Variants in MYO18A observed in about 807,000 individuals in gnomAD.
The protein encoded by MYO18A is unconventional myosin-XVIIIa.
MYO18A carries 78 observed loss-of-function variants against 235.8 expected under a neutral mutation model. The observed-to-expected ratio is 0.33, with a 90% confidence interval of 0.28 to 0.40. MYO18A has a LOEUF of 0.40. Ranked by LOEUF, MYO18A falls within the 10% of genes least tolerant of loss-of-function variation. MYO18A has a pLI of 1.00. For missense variants in MYO18A, 2,215 were observed against 2,699.3 expected (o/e 0.82, Z 3.98); for synonymous variants, 977 against 1,077.8 (o/e 0.91, Z 1.83).
chr17:29,127,837 GAC>G (rs2067361778), intron 2 of MYO18A: 1 of 985,986 alleles, frequency 1.0e-6, no homozygotes, highest in South Asian at 4.7e-5. Flanking sequence ...AGCGGTTAGT[GAC>G]ACACTCTTGT....
Position 29,085,651 on chromosome 17 carries a change from G to A in MYO18A, c.5853-3C>T, listed in dbSNP as rs748293540. On this transcript the variant is annotated splice_polypyrimidine_tract_variant and splice_region_variant and intron_variant, in intron 39 of 41. Coordinates refer to ENST00000527372, the MANE Select transcript of MYO18A (RefSeq NM_078471.4). ...ACTTTGTCACCATGTCCTGCAAACT[G>A]GAAATAGAAGGAAAATGGTGGGCAA... is the stretch of plus-strand genomic sequence containing the variant. The A allele has an allele frequency of 1.4e-5, 23 of 1,613,856 alleles. No homozygotes were observed. The highest frequency in any genetic ancestry group is 2.2e-5 in the East Asian group (1 of 44,900).
At position 29,166,583 on chromosome 17, in the gene MYO18A, G is replaced by A. The variant is rs1276136089; in HGVS notation, c.358C>T (p.Arg120Trp). 3 of 1,613,804 alleles carry A rather than the reference G, an allele frequency of 1.9e-6. No individual in the cohort carries two copies. Among genetic ancestry groups the A allele is most frequent in the Non-Finnish European group, 1.7e-6 (2 of 1,179,878 alleles). ...GCCAGTGAGCCGAACTTGGCTGCCC[G>A]CTGCAGCACCGAGCCACGGAAGCTA... ...EGSFRGSVLQ[R>W]AAKFGSLAKQ... Residue 120 changes from arginine to tryptophan, a missense_variant, in exon 2 of 42, where the codon CGG becomes TGG. By Grantham distance (101) the Arg-to-Trp change is moderately radical. Transcript: ENST00000527372.
Position 29,097,328 on chromosome 17 carries a change from A to G in MYO18A, c.4125T>C (p.Tyr1375=). 1 of 1,609,144 alleles carries G rather than the reference A, an allele frequency of 6.2e-7. No individual in the cohort carries two copies. The highest frequency in any genetic ancestry group is 8.5e-7 in the Non-Finnish European group (1 of 1,179,814). ...DDAGGEWRLK[Y]ERAVREVDFT... Reference sequence around the variant, plus strand: ...AGTCCACCTCCCGCACAGCCCGCTCATACTTCAGCCGCCACTCGCCACCTG... The same window carrying G: ...AGTCCACCTCCCGCACAGCCCGCTCGTACTTCAGCCGCCACTCGCCACCTG... Residue 1375 remains tyrosine (Y), a synonymous_variant, in exon 27 of 42, where the codon TAT becomes TAC. Coordinates refer to ENST00000527372, the MANE Select transcript of MYO18A (RefSeq NM_078471.4).
In MYO18A at chr17:29,111,964, T is replaced by C. The variant is rs2066939657; in HGVS notation, c.2599-101A>G. Reference sequence around the variant, plus strand: ...CACACCCTACAGAATGCTACACATGTGCACACATGCACACACGCACATGCC... The same window carrying C: ...CACACCCTACAGAATGCTACACATGCGCACACATGCACACACGCACATGCC... On this transcript the variant is annotated intron_variant, in intron 15 of 41. Transcript: ENST00000527372. The surrounding 1 kb of genome is among the most constrained non-coding windows in gnomAD (Gnocchi z 5.1). 1 of 1,359,694 alleles carries C rather than the reference T, an allele frequency of 7.4e-7. No homozygotes were observed. The highest frequency in any genetic ancestry group is 1.0e-6 in the Non-Finnish European group (1 of 1,000,582). The allele number at this position is 1,359,694 out of a possible 1,614,324, so 84.2% of individuals were successfully genotyped here.
In MYO18A at chr17:29,111,324, T is replaced by C; in HGVS notation, c.2900+100A>G. On this transcript the variant is annotated intron_variant, in intron 17 of 41. Coordinates refer to ENST00000527372, the MANE Select transcript of MYO18A (RefSeq NM_078471.4). This position sits in a 1 kb window ranked among gnomAD's most constrained non-coding sequence, Gnocchi z 5.1. The stretch of plus-strand genomic sequence containing the variant: ...TCTCAGGAATAAAGGCCATCTACTT[T>C]GCTAGTGAGGGGGCCTCTGAGACAA... 7.3e-7 allele frequency: 1 copy of C among 1,371,926 alleles called. No individual in the cohort carries two copies. Among genetic ancestry groups the C allele is most frequent in the Non-Finnish European group, 1.0e-6 (1 of 1,000,866 alleles). The allele number at this position is 1,371,926 out of a possible 1,614,324, so 85.0% of individuals were successfully genotyped here.
chr17:29,146,500 G>C (rs910531679), intron 2 of MYO18A, among the ~76,000 whole-genome samples: 9 of 152,124 alleles, frequency 5.9e-5, no homozygotes, highest in African/African-American at 2.2e-4. Flanking sequence ...TCCCCTCTGG[G>C]GACCCACCCC....
At chr17:29,124,608 AC>A in intron 2 of MYO18A, 1 of 1,244,802 alleles carries the variant, frequency 8.0e-7, no homozygotes, top group South Asian at 1.3e-5. Context: ...CTAGGTGGTC[AC>A]TGGAGGGAGC....
rs2065939233 is a variant in MYO18A, at chr17:29,074,954, T to C, written c.6021-40A>G. 6.2e-7 allele frequency: 1 copy of C among 1,609,856 alleles called. No homozygotes were observed. Among genetic ancestry groups the C allele is most frequent in the Non-Finnish European group, 8.5e-7 (1 of 1,176,732 alleles). ...GAATAAGGTTAGGGACAAATGACAC[T>C]CCTACCATTAAGCACGCACGCCTTT... On this transcript the variant is annotated intron_variant, in intron 41 of 41. Transcript: ENST00000527372. The surrounding 1 kb of genome is among the most constrained non-coding windows in gnomAD (Gnocchi z 4.4).
intron 22 of MYO18A, 57 bp from the exon 23 acceptor site, chr17:29,099,026 C>G: frequency 6.2e-7 from 1 of 1,602,574 alleles, no homozygotes; most frequent in East Asian, 2.2e-5. Flanking sequence ...TGGCCAAGCT[C>G]GGCCCAGGAT....
rs533265717 is a variant in MYO18A at position 29,079,856 on chromosome 17, C to T, written c.6020+2460G>A. ...GTTTCTTCACTTTCTGCAGCTGGGC[C>T]CTTCTTCACACTGGAGCAGCTGTGG... On this transcript the variant is annotated intron_variant, in intron 41 of 41. Transcript: ENST00000527372. 31 of 985,964 alleles carry T rather than the reference C, an allele frequency of 3.1e-5. No individual in the cohort carries two copies. The African/African-American group carries it at 4.5e-4, about 14-fold the overall frequency. 61.1% of individuals were successfully genotyped at this position (985,964 alleles called of 1,614,324 possible). A position where few individuals can be genotyped will look rare whatever the true frequency, so the allele number is the denominator to read the frequency against.
intron 26 of MYO18A, 57 bp from the exon 27 acceptor site, chr17:29,097,407 C>G (rs1170300755): frequency 8.4e-5 from 134 of 1,592,106 alleles, no homozygotes; most frequent in Non-Finnish European, 2.0e-5. Context: ...CCAGAAGGGG[C>G]AGAGGGGAAG....
chr17:29,115,151 G>C, intron 13 of MYO18A, 52 bp from the exon 14 acceptor site: 1 of 1,554,144 alleles, frequency 6.4e-7, no homozygotes, highest in Non-Finnish European at 8.7e-7. Flanking sequence ...CCGGGCACCA[G>C]GAAGCCCCAC....
chr17:29,166,706 T>C lies in MYO18A; in HGVS notation c.235A>G (p.Thr79Ala), dbSNP rs1174606083. The C allele has an allele frequency of 1.2e-6, 2 of 1,613,702 alleles. No homozygotes were observed. Among genetic ancestry groups the C allele is most frequent in the Non-Finnish European group, 1.7e-6 (2 of 1,179,876 alleles). ...CGGTTACTATCGGAGTCAATGTCAGTCAGGTGCAGGTCAGAGCCGCTGGCC... is the reference window on the plus strand; with the variant it reads ...CGGTTACTATCGGAGTCAATGTCAGCCAGGTGCAGGTCAGAGCCGCTGGCC... ...KVASGSDLHL[T>A]DIDSDSNRGS... is the part of the protein sequence containing the mutation. Residue 79 changes from threonine to alanine, a missense_variant, in exon 2 of 42, where the codon ACT becomes GCT. Physicochemically the swap from Thr to Ala is moderately conservative, Grantham distance 58. Coordinates refer to ENST00000527372, the MANE Select transcript of MYO18A (RefSeq NM_078471.4).
intron 41 of MYO18A, chr17:29,075,192 C>T: frequency 2.8e-6 from 1 of 358,006 alleles, no homozygotes; most frequent in Non-Finnish European, 5.4e-6. Flanking sequence ...CTGGGCCCTT[C>T]CTCTTAGAAA....
intron 40 of MYO18A, among the ~76,000 whole-genome samples, chr17:29,085,365 A>G (rs549301977): frequency 6.6e-6 from 1 of 152,240 alleles, no homozygotes; most frequent in South Asian, 2.1e-4. Flanking sequence ...GAGCCCCCCC[A>G]TCCTGCCCAC....
intron 2 of MYO18A, among the ~76,000 whole-genome samples, chr17:29,130,003 A>T (rs1281466208): frequency 2.0e-5 from 3 of 152,164 alleles, no homozygotes; most frequent in Admixed American, 2.0e-4. Context: ...CATCATTAAG[A>T]TGATGACGAT....
intron 2 of MYO18A, among the ~76,000 whole-genome samples, chr17:29,139,484 G>A (rs1031718216): frequency 6.6e-6 from 1 of 152,144 alleles, no homozygotes; most frequent in Non-Finnish European, 1.5e-5. Context: ...TGGGGGCTGA[G>A]GCAGGGCAGT....
At chr17:29,088,415 C>G (rs1285494681) in intron 37 of MYO18A, among the ~76,000 whole-genome samples, 2 of 152,120 alleles carry the variant, frequency 1.3e-5, no homozygotes, top group Non-Finnish European at 2.9e-5. Context: ...GTGACCCCGC[C>G]TTGGAAGGGT....
In MYO18A at chr17:29,118,337, A is replaced by C. The variant is rs992334061; in HGVS notation, c.1893+40T>G. 1.3e-6 allele frequency: 2 copies of C among 1,585,978 alleles called. No homozygotes were observed. The highest frequency in any genetic ancestry group is 8.6e-7 in the Non-Finnish European group (1 of 1,159,518). On this transcript the variant is annotated intron_variant, in intron 9 of 41. Transcript: ENST00000527372. This position sits in a 1 kb window ranked among gnomAD's most constrained non-coding sequence, Gnocchi z 4.2. ...CCCATGGAGGCTTCTCCTACCCCCA[A>C]GGCCCAGGGCTGGCAACCCAGACCC...
Sources: gnomAD v4.1 joint callset for allele counts (sites outside exome capture counted in the v4.1 genomes callset) on GRCh38, gnomAD v4.1.1 for gene constraint, Gnocchi (gnomAD v3.1) non-coding constraint, MANE v1.5 for transcripts, NCBI Gene and HGNC (gene_info 2026-07-23, HGNC 2026-07-21) for gene names.